VWA2: variants seen among roughly 807,000 people sequenced by gnomAD.
VWA2 encodes the protein von Willebrand factor A domain-containing protein 2.
A neutral mutation model predicts 70.4 loss-of-function variants in VWA2; 73 were observed. The observed-to-expected ratio is 1.04, with a 90% CI of 0.86 to 1.26. VWA2 has a LOEUF of 1.26. Ranked by LOEUF, VWA2 falls within the 50% of genes most tolerant of loss-of-function variation. The probability of loss-of-function intolerance (pLI) is 0.00; values close to 1 mark genes in which losing one functional copy is unlikely to be tolerated. For synonymous variants in VWA2, 407 were observed against 423.3 expected (o/e 0.96, Z 0.47); for missense variants, 1,011 against 998.5 (o/e 1.01, Z -0.17).
intron 5 of VWA2, among the ~76,000 whole-genome samples, chr10:114,270,873 T>C (rs2037692470): frequency 6.6e-6 from 1 of 152,194 alleles, no homozygotes; most frequent in Admixed American, 6.5e-5. Flanking sequence ...CAAGCTCTGC[T>C]CGCTAGCTCC....
intron 4 of VWA2, among the ~76,000 whole-genome samples, chr10:114,260,513 T>G (rs1293052450): frequency 6.6e-6 from 1 of 152,124 alleles, no homozygotes; most frequent in African/African-American, 2.4e-5. Context: ...GACCGGGTTG[T>G]GGGGTGGCTG....
intron 11 of VWA2, among the ~76,000 whole-genome samples, chr10:114,288,589 A>G (rs1470313226): frequency 1.3e-5 from 2 of 152,204 alleles, no homozygotes; most frequent in Non-Finnish European, 2.9e-5. Flanking sequence ...TTGAGGTCCA[A>G]GGTCACCATT....
intron 1 of VWA2, among the ~76,000 whole-genome samples, chr10:114,239,845 G>A (rs2036944736): frequency 6.6e-6 from 1 of 152,230 alleles, no homozygotes. Flanking sequence ...CGAGCTGGCG[G>A]GGTTTTGGGA....
In VWA2 at chr10:114,255,022, G is replaced by A. The variant is rs1179811347; in HGVS notation, c.235G>A (p.Asp79Asn). The change falls in exon 4 of 14, where the codon GAC becomes AAC. Residue 79 changes from aspartate to asparagine, a missense_variant. Transcript: ENST00000392982. The part of the protein sequence containing the change: ...RSKHFAITVC[D>N]GLDISPERVR... Reference sequence around the variant, plus strand: ...CAAGCACTTTGCCATCACAGTCTGTGACGGTCTGGACATCAGCCCCGAGAG... The same window carrying A: ...CAAGCACTTTGCCATCACAGTCTGTAACGGTCTGGACATCAGCCCCGAGAG... 1 of 1,612,692 alleles carries A rather than the reference G, an allele frequency of 6.2e-7. No homozygotes were observed. The highest frequency in any genetic ancestry group is 1.3e-5 in the African/African-American group (1 of 75,026).
chr10:114,248,193 A>T (rs1047578373), intron 1 of VWA2, among the ~76,000 whole-genome samples: 4 of 152,126 alleles, frequency 2.6e-5, no homozygotes, highest in Non-Finnish European at 5.9e-5. Context: ...TAGATAGTGC[A>T]GGCTTTCTTC....
chr10:114,254,960 G>C lies in VWA2; in HGVS notation c.173G>C (p.Gly58Ala). The C allele has an allele frequency of 6.2e-7, 1 of 1,613,328 alleles. No individual in the cohort carries two copies. The highest frequency in any genetic ancestry group is 8.5e-7 in the Non-Finnish European group (1 of 1,179,902). ...AAVDIMFLLD[G>A]SNSVGKGSFE... ...GTGGACATCATGTTTCTGTTAGATG[G>C]GTCTAACAGCGTCGGGAAAGGGAGC... is the stretch of plus-strand genomic sequence containing the variant. Residue 58 changes from glycine (G) to alanine (A), a missense_variant, in exon 4 of 14, where the codon GGG becomes GCG. Transcript: ENST00000392982.
chr10:114,268,615 G>A (rs2037626970), intron 5 of VWA2, among the ~76,000 whole-genome samples: 2 of 152,292 alleles, frequency 1.3e-5, no homozygotes, highest in South Asian at 2.1e-4. Context: ...TTTGTTAAAC[G>A]TAGAAATAGA....
intron 9 of VWA2, among the ~76,000 whole-genome samples, 195 bp from the exon 10 acceptor site, chr10:114,284,667 AC>A (rs2038628956): frequency 6.6e-6 from 1 of 151,730 alleles, no homozygotes; most frequent in Admixed American, 6.6e-5. Flanking sequence ...ATCCTTTACC[AC>A]CCGTGCCCAG....
At chr10:114,255,771 AT>A (rs34578196) in intron 4 of VWA2, among the ~76,000 whole-genome samples, 29,884 of 149,264 alleles carry the variant, frequency 0.2, 3,026 homozygotes, top group Admixed American at 0.26. Context: ...TAAAAGGGGC[AT>A]TTTTTTTTTT....
intron 1 of VWA2, among the ~76,000 whole-genome samples, chr10:114,247,663 C>CAA (rs527665370): frequency 1.4e-4 from 20 of 141,244 alleles, no homozygotes; most frequent in African/African-American, 3.4e-4. Context: ...ATAACTATGT[C>CAA]AAAAAAAAAA....
At chr10:114,265,955 C>T (rs2037552827) in intron 5 of VWA2, among the ~76,000 whole-genome samples, 1 of 152,104 alleles carries the variant, frequency 6.6e-6, no homozygotes, top group Admixed American at 6.5e-5. Flanking sequence ...GAGTGATGAC[C>T]TCCCCGGAGC....
At chr10:114,251,211 T>C (rs976103522) in intron 2 of VWA2, among the ~76,000 whole-genome samples, 1 of 152,248 alleles carries the variant, frequency 6.6e-6, no homozygotes, top group Non-Finnish European at 1.5e-5. Context: ...AGCTGGTCTT[T>C]AGAGGGGGCT....
At chr10:114,254,476 T>C (rs2037276784) in intron 3 of VWA2, among the ~76,000 whole-genome samples, 1 of 152,248 alleles carries the variant, frequency 6.6e-6, no homozygotes, top group South Asian at 2.1e-4. Context: ...TCTCCCACCA[T>C]ATTCCTTCCT....
chr10:114,290,259 C>T lies in VWA2; in HGVS notation c.2142C>T (p.Asn714=), dbSNP rs1419659099. The change falls in exon 13 of 14, where the codon AAC becomes AAT. Residue 714 remains asparagine (N), a synonymous_variant. Coordinates refer to ENST00000392982, the MANE Select transcript of VWA2 (RefSeq NM_001272046.2). ...WLCGEAKQPV[N]LCKPSPCMNE... ...TTGTAGAAGCCAAGCAGCCAGTCAA[C>T]CTCTGCAAACCCAGCCCGTGCATGA... 11 of 1,550,608 alleles carry T rather than the reference C, an allele frequency of 7.1e-6. No individual in the cohort carries two copies. Among genetic ancestry groups the T allele is most frequent in the Non-Finnish European group, 9.6e-6 (11 of 1,146,978 alleles).
chr10:114,277,956 G>C lies in VWA2; in HGVS notation c.609G>C (p.Gln203His). 6.2e-7 allele frequency: 1 copy of C among 1,612,502 alleles called. No individual in the cohort carries two copies. Among genetic ancestry groups the C allele is most frequent in the Non-Finnish European group, 8.5e-7 (1 of 1,179,576 alleles). Residue 203 changes from glutamine to histidine, a missense_variant, in exon 7 of 14, where the codon CAG becomes CAC. By Grantham distance (24) the Gln-to-His change is conservative. Coordinates refer to ENST00000392982, the MANE Select transcript of VWA2 (RefSeq NM_001272046.2). ...CACTGGCCAGCGAGCCTAGAGGGCA[G>C]CACGTGCTGTTGGCTGAGCAGGTGG... The part of the protein sequence containing the change: ...LHALASEPRG[Q>H]HVLLAEQVED...
chr10:114,289,059 C>T lies in VWA2; in HGVS notation c.1692C>T (p.Asn564=), dbSNP rs533160127. ...VRSCALQFEV[N]PDVTQVGLVV... ...GCTGTGCCCTCCAGTTTGAGGTGAA[C>T]CCTGACGTGACACAGGTCGGCCTGG... The change falls in exon 12 of 14, where the codon AAC becomes AAT. Residue 564 remains asparagine (N), a synonymous_variant. Coordinates refer to ENST00000392982, the MANE Select transcript of VWA2 (RefSeq NM_001272046.2). 3 of 1,614,188 alleles carry T rather than the reference C, an allele frequency of 1.9e-6. No homozygotes were observed. Among genetic ancestry groups the T allele is most frequent in the East Asian group, 4.5e-5 (2 of 44,866 alleles).
Position 114,291,570 on chromosome 10 carries a change from A to T in VWA2, c.*333A>T. The T allele has an allele frequency of 3.3e-6, 1 of 304,122 alleles. No homozygotes were observed. Among genetic ancestry groups the T allele is most frequent in the Non-Finnish European group, 6.1e-6 (1 of 163,578 alleles). The allele number at this position is 304,122 out of a possible 1,614,324, so 18.8% of individuals were successfully genotyped here. ...GCCACCTTTCCCTTGAGGATAAACAAGGGGTCCTGAAGACTTAAATTTAGC... is the reference window on the plus strand; with the variant it reads ...GCCACCTTTCCCTTGAGGATAAACATGGGGTCCTGAAGACTTAAATTTAGC... On this transcript the variant is annotated 3_prime_UTR_variant, in exon 14 of 14. Transcript: ENST00000392982.
rs138123071 is a variant in VWA2 at position 114,285,178 on chromosome 10, AC to A, written c.997+209del. ...TTGGGGTGGCTGAGCTCTGGATGAG[AC>A]AGTGGCTCCCAGCTTATTAGCTGCA... On this transcript the variant is annotated intron_variant, in intron 10 of 13. Coordinates refer to ENST00000392982, the MANE Select transcript of VWA2 (RefSeq NM_001272046.2). Among the ~76,000 whole-genome samples the A allele has an allele frequency of 3.9e-5, 6 of 152,298 alleles. No homozygotes were observed. In the East Asian group the frequency reaches 9.6e-4, roughly 24 times the overall value.
chr10:114,253,805 C>T, intron 3 of VWA2, 80 bp downstream of exon 3: 1 of 1,355,890 alleles, frequency 7.4e-7, no homozygotes, highest in Non-Finnish European at 1.0e-6. Flanking sequence ...CATGTTCTTC[C>T]AGAGAGTTTC....
Sources: allele counts gnomAD v4.1 joint callset (sites outside exome capture counted in the v4.1 genomes callset), GRCh38; gene constraint gnomAD v4.1.1; transcripts MANE v1.5; gene names NCBI Gene and HGNC (gene_info 2026-07-23, HGNC 2026-07-21).